PRTFDC1: variants seen among roughly 807,000 people sequenced by gnomAD.
PRTFDC1 encodes the protein phosphoribosyltransferase domain-containing protein 1.
In PRTFDC1, 38 loss-of-function variants were observed where a neutral mutation model predicts 34.6. The observed-to-expected ratio is 1.10, with a 90% CI of 0.85 to 1.44. PRTFDC1 has a LOEUF of 1.44. Ranked by LOEUF, PRTFDC1 falls within the 40% of genes most tolerant of loss-of-function variation. PRTFDC1 has a pLI of 0.00. For missense variants in PRTFDC1, 270 were observed against 283.0 expected, an observed-to-expected ratio of 0.95 and a Z score of 0.33; for synonymous variants, 93 against 98.1, an observed-to-expected ratio of 0.95 and a Z score of 0.31.
intron 4 of PRTFDC1, chr10:24,868,303 C>G (rs1305370373): frequency 2.6e-5 from 4 of 152,108 alleles, no homozygotes; most frequent in Admixed American, 2.6e-4. Flanking sequence ...CCTAAGGAAT[C>G]CTTCATTCTT....
intron 3 of PRTFDC1, among the ~76,000 whole-genome samples, chr10:24,916,662 C>T (rs1848700703): frequency 2.6e-5 from 4 of 152,204 alleles, no homozygotes; most frequent in African/African-American, 9.6e-5. Context: ...AATGGCGCTA[C>T]TTACACCTTC....
At chr10:24,872,114 C>T in intron 3 of PRTFDC1, 51 bp from the exon 4 acceptor site, 5 of 1,477,024 alleles carry the variant, frequency 3.4e-6, no homozygotes, top group South Asian at 2.3e-5. Context: ...ACAAGAAAAC[C>T]TTTAAAGCAC....
At position 24,860,288 on chromosome 10, in the gene PRTFDC1, G is replaced by A. The variant is rs188123179; in HGVS notation, c.406-1879C>T. Among the ~76,000 whole-genome samples the A allele has an allele frequency of 3.0e-3, 453 of 152,198 alleles. 5 individuals carry two copies. The highest frequency in any genetic ancestry group is 0.011 in the African/African-American group (436 of 41,520). ...CCCAGCTACTCAGGAGGCTGAGGCG[G>A]GAGAATCACTTGAAACCGGGAGGCG... On this transcript the variant is annotated intron_variant, in intron 4 of 8. Transcript: ENST00000320152.
intron 3 of PRTFDC1, among the ~76,000 whole-genome samples, chr10:24,900,579 C>T (rs1435860943): frequency 1.3e-5 from 2 of 152,174 alleles, no homozygotes; most frequent in Non-Finnish European, 2.9e-5. Context: ...GAAAGGATAA[C>T]TTGCTGAAAA....
chr10:24,888,498 G>A (rs1452997436), intron 3 of PRTFDC1, among the ~76,000 whole-genome samples: 3 of 152,208 alleles, frequency 2.0e-5, no homozygotes, highest in African/African-American at 7.2e-5. Flanking sequence ...AGGGAAGGGA[G>A]CGGACATGGG....
chr10:24,922,289 T>C (rs576506766), intron 3 of PRTFDC1, among the ~76,000 whole-genome samples: 1 of 152,350 alleles, frequency 6.6e-6, no homozygotes, highest in South Asian at 2.1e-4. Flanking sequence ...AGAAATTATC[T>C]GGGCATAATT....
chr10:24,912,804 A>C (rs1242132173), intron 3 of PRTFDC1, among the ~76,000 whole-genome samples: 3 of 151,942 alleles, frequency 2.0e-5, no homozygotes, highest in Admixed American at 1.3e-4. Context: ...CCACTCACCC[A>C]CCGTGATCCA....
chr10:24,858,449 A>G (rs1406318715), intron 4 of PRTFDC1, 40 bp from the exon 5 acceptor site: 2 of 1,603,600 alleles, frequency 1.2e-6, no homozygotes, highest in African/African-American at 2.7e-5. Context: ...TGTGATGCCA[A>G]TCTGACTCAC....
intron 2 of PRTFDC1, among the ~76,000 whole-genome samples, chr10:24,940,147 G>A (rs959761552): frequency 1.3e-5 from 2 of 152,146 alleles, no homozygotes; most frequent in African/African-American, 4.8e-5. Context: ...AGGTCCAACA[G>A]TCAGAGAATC....
At chr10:24,943,795 G>A (rs558194003) in intron 1 of PRTFDC1, among the ~76,000 whole-genome samples, 6 of 152,044 alleles carry the variant, frequency 3.9e-5, no homozygotes, top group South Asian at 2.1e-4. Context: ...CAAGCCATCC[G>A]CCTGCCTTAG....
intron 2 of PRTFDC1, 132 bp downstream of exon 2, chr10:24,942,198 C>A (rs1193662647): frequency 3.1e-6 from 2 of 650,122 alleles, no homozygotes; most frequent in South Asian, 2.0e-5. Context: ...AAATTCACTG[C>A]CCTATATAAA....
intron 3 of PRTFDC1, among the ~76,000 whole-genome samples, chr10:24,927,981 A>T (rs1848906978): frequency 6.6e-6 from 1 of 152,206 alleles, no homozygotes; most frequent in African/African-American, 2.4e-5. Context: ...GAAAAAGATG[A>T]GGCGCTACCA....
At chr10:24,907,155 T>G (rs2132562083) in intron 3 of PRTFDC1, among the ~76,000 whole-genome samples, 1 of 152,018 alleles carries the variant, frequency 6.6e-6, no homozygotes, top group African/African-American at 2.4e-5. Flanking sequence ...GACACTGCAC[T>G]GAGCTATGAT....
chr10:24,875,040 C>A (rs1847938827), intron 3 of PRTFDC1, among the ~76,000 whole-genome samples: 1 of 152,172 alleles, frequency 6.6e-6, no homozygotes, highest in South Asian at 2.1e-4. Flanking sequence ...TTGTAGGTTT[C>A]CGGAGGCTTT....
intron 3 of PRTFDC1, among the ~76,000 whole-genome samples, chr10:24,879,171 T>A (rs1333652300): frequency 4.6e-5 from 7 of 152,182 alleles, no homozygotes; most frequent in Non-Finnish European, 1.0e-4. Context: ...GATTCCAGTA[T>A]TCCTCGTTTT....
At chr10:24,949,301 C>A (rs543112569) in intron 1 of PRTFDC1, among the ~76,000 whole-genome samples, 1 of 152,212 alleles carries the variant, frequency 6.6e-6, no homozygotes, top group South Asian at 2.1e-4. Flanking sequence ...CCAGGCTGGT[C>A]TCGAACTCCT....
At chr10:24,864,409 T>C (rs1847738807) in intron 4 of PRTFDC1, among the ~76,000 whole-genome samples, 2 of 152,146 alleles carry the variant, frequency 1.3e-5, no homozygotes, top group Non-Finnish European at 2.9e-5. Context: ...ATCTAAGCAG[T>C]GAACTTCACT....
intron 3 of PRTFDC1, among the ~76,000 whole-genome samples, chr10:24,892,386 C>T (rs960284347): frequency 6.6e-6 from 1 of 152,098 alleles, no homozygotes; most frequent in African/African-American, 2.4e-5. Context: ...TCCCTTCTCT[C>T]CATCCTCATC....
intron 1 of PRTFDC1, among the ~76,000 whole-genome samples, chr10:24,951,770 C>CTGAGAGA (rs1335998446): frequency 2.0e-5 from 3 of 152,276 alleles, no homozygotes; most frequent in African/African-American, 7.2e-5. Flanking sequence ...TCCTAGCACA[C>CTGAGAGA]TGAGAGATGG....
Sources: allele counts gnomAD v4.1 joint callset (sites outside exome capture counted in the v4.1 genomes callset), GRCh38; gene constraint gnomAD v4.1.1; transcripts MANE v1.5; gene names NCBI Gene and HGNC (gene_info 2026-07-23, HGNC 2026-07-21).